Variants in NCOR2 observed in about 807,000 individuals in gnomAD.
The protein encoded by NCOR2 is CTG repeat protein 26.
NCOR2 carries 81 observed loss-of-function variants against 262.9 expected under a neutral mutation model. The observed-to-expected ratio is 0.31, with a 90% CI of 0.26 to 0.37. The LOEUF (loss-of-function observed/expected upper bound fraction) is 0.37. Ranked by LOEUF, NCOR2 falls within the 10% of genes least tolerant of loss-of-function variation. NCOR2 has a pLI of 1.00. For synonymous variants in NCOR2, 1,659 were observed against 1,559.3 expected (o/e 1.06, Z -1.51); for missense variants, 3,385 against 3,621.4 (o/e 0.93, Z 1.68).
chr12:124,536,565 C>T (rs2051120369), upstream of NCOR2, among the ~76,000 whole-genome samples: 1 of 152,104 alleles, frequency 6.6e-6, no homozygotes. Flanking sequence ...GAAAAGATGC[C>T]CAACGTCATC....
At chr12:124,363,033 T>C (rs1434203927) in intron 21 of NCOR2, among the ~76,000 whole-genome samples, 2 of 152,266 alleles carry the variant, frequency 1.3e-5, no homozygotes, top group African/African-American at 4.8e-5. Context: ...CTGCTGTGAC[T>C]CTCTCCTCCA....
At chr12:124,331,949 T>C (rs1048915724) in intron 43 of NCOR2, 12 of 245,290 alleles carry the variant, frequency 4.9e-5, no homozygotes, top group African/African-American at 2.0e-4. Flanking sequence ...AGTGGGGCGT[T>C]CATACCCAGC....
chr12:124,373,845 A>AGGGGCCCCGGGCACGG (rs2039761402), intron 19 of NCOR2, among the ~76,000 whole-genome samples: 3 of 4,184 alleles, frequency 7.2e-4, no homozygotes, highest in African/African-American at 1.1e-3. Flanking sequence ...GTGGACAATC[A>AGGGGCCCCGGGCACGG]TGAGGCCAGT....
exon 47 of NCOR2, chr12:124,325,256 C>T (rs2034526088): frequency 4.1e-6 from 2 of 490,716 alleles, no homozygotes; most frequent in Non-Finnish European, 3.4e-6. Flanking sequence ...AGGATGCCGG[C>T]TCTGGACGGA....
chr12:124,407,212 GC>G (rs1373064988), intron 13 of NCOR2, among the ~76,000 whole-genome samples: 1 of 152,220 alleles, frequency 6.6e-6, no homozygotes, highest in East Asian at 1.9e-4. Flanking sequence ...GAAAGATGTG[GC>G]CCCCAACTGT....
chr12:124,495,287 C>A (rs872224), upstream of NCOR2: 49 of 1,590,794 alleles, frequency 3.1e-5, no homozygotes, highest in East Asian at 4.5e-5. The surrounding 1 kb of genome is among the most constrained non-coding windows in gnomAD (Gnocchi z 4.4). Context: ...CTCCCAGGCC[C>A]CAATAAGCTT....
chr12:124,559,602 C>G (rs917165484), intron 1 of NCOR2, among the ~76,000 whole-genome samples: 6 of 152,190 alleles, frequency 3.9e-5, no homozygotes, highest in African/African-American at 1.4e-4. Context: ...CTTTGCTCGG[C>G]TCCTGCCTGA....
rs1238372432 is a variant in NCOR2, at chr12:124,355,160, C to G, written c.3382-221G>C. The stretch of plus-strand genomic sequence containing the variant: ...GCCCCTTGCATTTGCCCTTCCATTT[C>G]GCAGTGGGGGAAACAGGAGGTTAAG... On this transcript the variant is annotated intron_variant, in intron 24 of 46. Transcript: ENST00000405201. 8.2e-6 allele frequency: 5 copies of G among 612,892 alleles called. No individual in the cohort carries two copies. In the East Asian group the frequency reaches 1.4e-4, roughly 18 times the overall value. The allele number at this position is 612,892 out of a possible 1,614,324, so 38.0% of individuals were successfully genotyped here. A position where few individuals can be genotyped will look rare whatever the true frequency, so the allele number is the denominator to read the frequency against.
chr12:124,372,565 TGAG>T (rs2039584330), exon 20 of NCOR2: 2 of 1,596,302 alleles, frequency 1.3e-6, no homozygotes. Context: ...GGCCTCAGTG[TGAG>T]GAGAGGGGAT....
intron 1 of NCOR2, among the ~76,000 whole-genome samples, chr12:124,494,114 C>T (rs1212082248): frequency 6.6e-6 from 1 of 152,226 alleles, no homozygotes; most frequent in Non-Finnish European, 1.5e-5. Context: ...CCAGGCAGGG[C>T]CAGTGAGCTT....
chr12:124,398,401 G>T (rs1380210785), intron 15 of NCOR2, among the ~76,000 whole-genome samples: 1 of 152,252 alleles, frequency 6.6e-6, no homozygotes, highest in African/African-American at 2.4e-5. Flanking sequence ...GGCTGGAGCT[G>T]TGCTGGGCAG....
At position 124,419,515 on chromosome 12, in the gene NCOR2, C is replaced by A. The variant is rs368423641; in HGVS notation, c.1482+442G>T. ...AAAAAACGGCGAGCTGAAGTACTGG[C>A]TATTTTTTCTTTCAAGTATGTATTA... On this transcript the variant is annotated intron_variant, in intron 13 of 46. Transcript: ENST00000405201. Among the ~76,000 whole-genome samples the A allele has an allele frequency of 1.4e-4, 22 of 152,348 alleles. No homozygotes were observed. In the East Asian group the frequency reaches 1.7e-3, roughly 12 times the overall value.
In NCOR2 at chr12:124,432,066, C is replaced by A; in HGVS notation, c.883-1279G>T. Reference sequence around the variant, plus strand: ...ACAGGCAGGCAGGCAGACACACAGGCGGTCACACAGGCAGGCAGACACACA... The same window carrying A: ...ACAGGCAGGCAGGCAGACACACAGGAGGTCACACAGGCAGGCAGACACACA... On this transcript the variant is annotated intron_variant, in intron 8 of 46. Coordinates refer to ENST00000405201, the Ensembl canonical transcript of NCOR2. The surrounding 1 kb of genome is among the most constrained non-coding windows in gnomAD (Gnocchi z 5.1). 6.6e-6 allele frequency among the ~76,000 whole-genome samples: 1 copy of A among 151,140 alleles called. No individual in the cohort carries two copies.
chr12:124,409,009 C>T (rs1203189717), intron 13 of NCOR2, among the ~76,000 whole-genome samples: 1 of 152,190 alleles, frequency 6.6e-6, no homozygotes, highest in Non-Finnish European at 1.5e-5. Context: ...ACCATGGCAA[C>T]CGGCACATGC....
chr12:124,469,331 C>G (rs191348468), intron 4 of NCOR2, among the ~76,000 whole-genome samples: 38 of 152,308 alleles, frequency 2.5e-4, no homozygotes, highest in Non-Finnish European at 4.6e-4. Flanking sequence ...CTGGCTTTTA[C>G]AGACTCCATC....
At chr12:124,325,493 C>G in exon 47 of NCOR2, 1 of 1,360,644 alleles carries the variant, frequency 7.3e-7, no homozygotes, top group Non-Finnish European at 9.5e-7. Flanking sequence ...GAGGGGCCCG[C>G]TGCCCGCGGG....
At chr12:124,357,470 T>C (rs1057401557) in intron 22 of NCOR2, among the ~76,000 whole-genome samples, 2 of 152,184 alleles carry the variant, frequency 1.3e-5, no homozygotes, top group Admixed American at 6.5e-5. Flanking sequence ...GTTTATATTT[T>C]GTTTTTGTAG....
rs1405779754 is a variant in NCOR2 at position 124,503,628 on chromosome 12, A to G, written c.-117-8260T>C. 6.8e-6 allele frequency among the ~76,000 whole-genome samples: 1 copy of G among 147,300 alleles called. No homozygotes were observed. Among genetic ancestry groups the G allele is most frequent in the Non-Finnish European group, 1.5e-5 (1 of 66,474 alleles). ...GACGGACGGACGGATGGATGGATGG[A>G]TGGATGGGCGAATGGATGGATGGAT... On this transcript the variant is annotated intron_variant, in intron 1 of 46. Transcript: ENST00000404621. This position sits in a 1 kb window ranked among gnomAD's most constrained non-coding sequence, Gnocchi z 4.3.
intron 6 of NCOR2, 109 bp downstream of exon 8, chr12:124,456,997 C>G (rs906306): frequency 1.0e-6 from 1 of 966,836 alleles, no homozygotes. Flanking sequence ...GCCTGGGCAG[C>G]GCTTGGTAAT....
Sources: allele counts gnomAD v4.1 joint callset (sites outside exome capture counted in the v4.1 genomes callset), GRCh38; gene constraint gnomAD v4.1.1; non-coding constraint Gnocchi (gnomAD v3.1); transcripts MANE v1.5; gene names NCBI Gene and HGNC (gene_info 2026-07-23, HGNC 2026-07-21).